Variants in LUC7L2 observed in about 807,000 individuals in gnomAD.
LUC7L2 encodes LUC7 like 2, pre-mRNA splicing factor.
In LUC7L2, 25 loss-of-function variants were observed where a neutral mutation model predicts 52.8. The observed-to-expected ratio is 0.47, with a 90% CI of 0.34 to 0.66. The LOEUF (loss-of-function observed/expected upper bound fraction) is 0.66, where lower values mean the gene tolerates loss of function less well. LUC7L2 is among the 30% of genes least tolerant of loss of function. The probability of loss-of-function intolerance (pLI) is 0.01; values close to 1 mark genes in which losing one functional copy is unlikely to be tolerated. For synonymous variants in LUC7L2, 144 were observed against 160.9 expected (o/e 0.89, Z 0.80); for missense variants, 328 against 497.8 (o/e 0.66, Z 3.25).
At position 139,405,801 on chromosome 7, in the gene LUC7L2, A is replaced by AGT; in HGVS notation, c.510+15_510+16dup. On this transcript the variant is annotated intron_variant, in intron 5 of 9. Transcript: ENST00000354926. The stretch of plus-strand genomic sequence containing the variant: ...AGAGAAGCAGAGGTAAATTCTTAAT[A>AGT]GTAGTAGACGAATTCTGCTTAATTT... 6.3e-7 allele frequency: 1 copy of AGT among 1,583,870 alleles called. No homozygotes were observed. The highest frequency in any genetic ancestry group is 8.5e-7 in the Non-Finnish European group (1 of 1,170,428).
At chr7:139,342,299 G>C (rs1443627285) in intron 1 of LUC7L2, among the ~76,000 whole-genome samples, 1 of 152,142 alleles carries the variant, frequency 6.6e-6, no homozygotes, top group South Asian at 2.1e-4. Context: ...AGAAGGGGTA[G>C]TTAGGGAAGG....
At chr7:139,398,100 C>G (rs1476794035) in intron 2 of LUC7L2, among the ~76,000 whole-genome samples, 1 of 152,168 alleles carries the variant, frequency 6.6e-6, no homozygotes, top group Non-Finnish European at 1.5e-5. Flanking sequence ...CTCAAGCGAT[C>G]CTCCTGCCTT....
Position 139,394,387 on chromosome 7 carries a change from ACT to A in LUC7L2, c.157-4208_157-4207del, listed in dbSNP as rs1794574847. 2.6e-5 allele frequency among the ~76,000 whole-genome samples: 4 copies of A among 152,128 alleles called. No homozygotes were observed. In the South Asian group the frequency reaches 8.3e-4, roughly 32 times the overall value. ...CATGGCATGCCTTCCCCAAAAGGCT[ACT>A]CTCACCAAAAAGTCCACCTCTACTA... On this transcript the variant is annotated intron_variant, in intron 2 of 9. Coordinates refer to ENST00000354926, the MANE Select transcript of LUC7L2 (RefSeq NM_016019.5).
chr7:139,412,718 C>G, intron 8 of LUC7L2, 138 bp downstream of exon 8: 1 of 1,018,970 alleles, frequency 9.8e-7, no homozygotes, highest in East Asian at 2.9e-5. Context: ...ATCCCAGCTA[C>G]TCAAGAGGCT....
chr7:139,402,469 G>C (rs1794956110), intron 4 of LUC7L2, among the ~76,000 whole-genome samples: 1 of 152,152 alleles, frequency 6.6e-6, no homozygotes, highest in Non-Finnish European at 1.5e-5. Context: ...GATTTTGCCA[G>C]TTATGCATGC....
At chr7:139,384,448 T>C (rs1794102944) in intron 2 of LUC7L2, among the ~76,000 whole-genome samples, 1 of 152,156 alleles carries the variant, frequency 6.6e-6, no homozygotes, top group Non-Finnish European at 1.5e-5. Context: ...AAATTTAGGT[T>C]TGAAGTGTGT....
At chr7:139,374,725 T>C (rs1800620108) in intron 1 of LUC7L2, 1 of 1,294,780 alleles carries the variant, frequency 7.7e-7, no homozygotes, top group South Asian at 2.3e-5. Flanking sequence ...GGTTGCAAAT[T>C]AGAATGTTTT....
intron 8 of LUC7L2, among the ~76,000 whole-genome samples, chr7:139,414,317 T>C (rs566800934): frequency 2.0e-5 from 3 of 152,232 alleles, no homozygotes; most frequent in South Asian, 2.1e-4. Context: ...TCCAATCTTT[T>C]GGCTTACCTG....
At chr7:139,368,917 G>A (rs549562267) in intron 1 of LUC7L2, among the ~76,000 whole-genome samples, 28 of 152,186 alleles carry the variant, frequency 1.8e-4, no homozygotes, top group African/African-American at 6.7e-4. Context: ...CCTTCATGGT[G>A]ATCTGTTTTT....
intron 1 of LUC7L2, chr7:139,345,948 C>T (rs1185246263): frequency 6.4e-6 from 2 of 310,952 alleles, no homozygotes; most frequent in Admixed American, 5.0e-5. Context: ...AAAAGTAGTA[C>T]AAGCCTTAGC....
At chr7:139,387,852 A>G (rs1425917501) in intron 2 of LUC7L2, among the ~76,000 whole-genome samples, 1 of 152,242 alleles carries the variant, frequency 6.6e-6, no homozygotes, top group East Asian at 1.9e-4. Flanking sequence ...TCCTGGCCTC[A>G]AGTGATCCTC....
chr7:139,344,011 C>T (rs1799136261), intron 1 of LUC7L2, among the ~76,000 whole-genome samples: 1 of 151,812 alleles, frequency 6.6e-6, no homozygotes, highest in Non-Finnish European at 1.5e-5. Context: ...GGACATGGCT[C>T]CTTTAGTCCC....
intron 2 of LUC7L2, among the ~76,000 whole-genome samples, chr7:139,386,422 T>TTTTG (rs1794196976): frequency 6.7e-6 from 1 of 150,172 alleles, no homozygotes; most frequent in African/African-American, 2.5e-5. Flanking sequence ...TTTTTTTTTT[T>TTTTG]GAGATGGAGT....
chr7:139,395,068 A>G (rs552219378), intron 2 of LUC7L2, among the ~76,000 whole-genome samples: 1 of 152,362 alleles, frequency 6.6e-6, no homozygotes, highest in Admixed American at 6.5e-5. Flanking sequence ...AGTCTTTCCA[A>G]CTGTGACATC....
intron 1 of LUC7L2, chr7:139,341,405 G>A (rs1161350770): frequency 1.9e-6 from 3 of 1,613,312 alleles, no homozygotes; most frequent in African/African-American, 2.7e-5. Context: ...TAGGGTCCCC[G>A]TCGCACACTT....
intron 7 of LUC7L2, among the ~76,000 whole-genome samples, chr7:139,411,180 C>T (rs1182814569): frequency 6.6e-6 from 1 of 152,072 alleles, no homozygotes; most frequent in Non-Finnish European, 1.5e-5. Context: ...AAAAGTATAT[C>T]ACATCTTACT....
At chr7:139,384,118 G>C (rs1448086102) in intron 2 of LUC7L2, among the ~76,000 whole-genome samples, 2 of 152,082 alleles carry the variant, frequency 1.3e-5, no homozygotes. Context: ...AAATCAGTCT[G>C]TAAATTGTTT....
In LUC7L2 at chr7:139,393,198, C is replaced by T. The variant is rs997627600; in HGVS notation, c.157-5401C>T. Among the ~76,000 whole-genome samples, 3 of 151,908 alleles carry T rather than the reference C, an allele frequency of 2.0e-5. No homozygotes were observed. The East Asian group carries it at 5.9e-4, about 30-fold the overall frequency. ...AGGAGAATTGCTTGAACCTGGGAGG[C>T]AGAGGTTGCAGTGAGCTGAGATTGC... is the stretch of plus-strand genomic sequence containing the variant. On this transcript the variant is annotated intron_variant, in intron 2 of 9. Coordinates refer to ENST00000354926, the MANE Select transcript of LUC7L2 (RefSeq NM_016019.5).
intron 8 of LUC7L2, among the ~76,000 whole-genome samples, chr7:139,413,936 G>C (rs1795480183): frequency 6.6e-6 from 1 of 152,176 alleles, no homozygotes; most frequent in Non-Finnish European, 1.5e-5. Context: ...ATGATAAGTA[G>C]AAACATTAAA....
Sources: gnomAD v4.1 joint callset for allele counts (sites outside exome capture counted in the v4.1 genomes callset) on GRCh38, gnomAD v4.1.1 for gene constraint, MANE v1.5 for transcripts, NCBI Gene and HGNC (gene_info 2026-07-23, HGNC 2026-07-21) for gene names.